The following CDH12 variants were observed in gnomAD, a reference collection of about 807,000 sequenced individuals.
CDH12 encodes cadherin 12.
A neutral mutation model predicts 74.1 loss-of-function variants in CDH12; 41 were observed. The ratio of observed to expected loss-of-function variants is 0.55; its 90% CI spans 0.43 to 0.72. The LOEUF (loss-of-function observed/expected upper bound fraction) is 0.72, where lower values mean the gene tolerates loss of function less well. Ranked by LOEUF, CDH12 falls within the 30% of genes least tolerant of loss-of-function variation. The pLI is 0.00. For missense variants in CDH12, 945 were observed against 977.2 expected (o/e 0.97, Z 0.44); for synonymous variants, 399 against 355.0 (o/e 1.12, Z -1.39).
intron 2 of CDH12, among the ~76,000 whole-genome samples, chr5:22,416,652 G>C (rs183042680): frequency 1.6e-3 from 235 of 151,370 alleles, no homozygotes; most frequent in Middle Eastern, 6.9e-3. Context: ...AAAAAGAAAG[G>C]AATACATAAA....
intron 2 of CDH12, among the ~76,000 whole-genome samples, chr5:22,479,367 T>G (rs1746296298): frequency 6.6e-6 from 1 of 152,160 alleles, no homozygotes; most frequent in Admixed American, 6.5e-5. Flanking sequence ...ACTAATTACT[T>G]TGAGCTAACA....
chr5:22,077,621 T>C (rs1185040127), intron 5 of CDH12, among the ~76,000 whole-genome samples: 1 of 152,142 alleles, frequency 6.6e-6, no homozygotes, highest in Admixed American at 6.6e-5. Flanking sequence ...AAATAAAATA[T>C]AATACTTATT....
intron 6 of CDH12, among the ~76,000 whole-genome samples, chr5:21,932,786 C>T (rs770404233): frequency 1.3e-5 from 2 of 150,882 alleles, no homozygotes; most frequent in Non-Finnish European, 2.9e-5. Flanking sequence ...GTAGTCCCAT[C>T]CTGGTGACAG....
rs960740440 is a variant in CDH12, at chr5:22,742,723, T to C, written c.-523+110335A>G. On this transcript the variant is annotated intron_variant, in intron 1 of 14. Transcript: ENST00000382254. ...TGAACAAGTACATTTATATATTATA[T>C]ATATTATATTATTTTACTATGTTAT... Among the ~76,000 whole-genome samples the C allele has an allele frequency of 2.0e-5, 3 of 149,282 alleles. No individual in the cohort carries two copies. The Admixed American group carries it at 2.0e-4, about 10-fold the overall frequency.
intron 2 of CDH12, among the ~76,000 whole-genome samples, chr5:22,414,703 T>A (rs1743307218): frequency 6.6e-6 from 1 of 151,870 alleles, no homozygotes; most frequent in African/African-American, 2.4e-5. Context: ...AAAAGCACAT[T>A]GCATATTATT....
chr5:22,649,523 T>C (rs373683347), intron 1 of CDH12, among the ~76,000 whole-genome samples: 1 of 152,022 alleles, frequency 6.6e-6, no homozygotes, highest in East Asian at 1.9e-4. Flanking sequence ...TTGAGTTTTA[T>C]TTAAGTGACT....
At chr5:22,831,818 A>G (rs928965182) in intron 1 of CDH12, among the ~76,000 whole-genome samples, 9 of 152,198 alleles carry the variant, frequency 5.9e-5, no homozygotes, top group African/African-American at 2.2e-4. Flanking sequence ...AATTGCTTGA[A>G]GCTGGGAGGT....
intron 4 of CDH12, among the ~76,000 whole-genome samples, chr5:22,209,074 G>C (rs1751389235): frequency 6.6e-6 from 1 of 151,982 alleles, no homozygotes; most frequent in African/African-American, 2.4e-5. Context: ...TCCAGATTTG[G>C]GAACATGTTG....
At chr5:22,416,489 G>A (rs574906028) in intron 2 of CDH12, among the ~76,000 whole-genome samples, 2 of 152,100 alleles carry the variant, frequency 1.3e-5, no homozygotes, top group Non-Finnish European at 2.9e-5. Flanking sequence ...GCGTGCATTG[G>A]AAATTTAAAC....
chr5:22,793,955 G>A (rs1748054930), intron 1 of CDH12, among the ~76,000 whole-genome samples: 1 of 152,086 alleles, frequency 6.6e-6, no homozygotes, highest in African/African-American at 2.4e-5. Context: ...ATCATCACAA[G>A]TTTTCTAGCT....
chr5:22,058,010 T>TATC (rs1471837508), intron 5 of CDH12, among the ~76,000 whole-genome samples: 3 of 143,836 alleles, frequency 2.1e-5, no homozygotes, highest in East Asian at 1.9e-4. Context: ...TCTATCTATC[T>TATC]ATCTATCTAT....
At chr5:22,540,272 T>C (rs2126717990) in intron 1 of CDH12, among the ~76,000 whole-genome samples, 1 of 152,172 alleles carries the variant, frequency 6.6e-6, no homozygotes, top group South Asian at 2.1e-4. Context: ...GTTGATTCTA[T>C]ATCATTTCAT....
chr5:22,008,325 G>T (rs1737085544), intron 5 of CDH12, among the ~76,000 whole-genome samples: 2 of 152,090 alleles, frequency 1.3e-5, no homozygotes, highest in South Asian at 4.2e-4. Flanking sequence ...CACCTCCTGG[G>T]TTCAAGCAAA....
chr5:22,727,827 T>G (rs1215879650), intron 1 of CDH12, among the ~76,000 whole-genome samples: 1 of 151,720 alleles, frequency 6.6e-6, no homozygotes, highest in African/African-American at 2.4e-5. Flanking sequence ...GTTGTTCCCT[T>G]GAGTGTAGTG....
At chr5:22,599,201 TC>T (rs1367533146) in intron 1 of CDH12, among the ~76,000 whole-genome samples, 3 of 152,122 alleles carry the variant, frequency 2.0e-5, no homozygotes, top group Non-Finnish European at 2.9e-5. Flanking sequence ...TTCAATCCTG[TC>T]CCCTGATACA....
In CDH12 at chr5:21,751,616, G is replaced by T. The variant is rs1460003671; in HGVS notation, c.*121C>A. 2.9e-6 allele frequency: 2 copies of T among 690,918 alleles called. No individual in the cohort carries two copies. Among genetic ancestry groups the T allele is most frequent in the South Asian group, 3.8e-5 (2 of 52,422 alleles). The allele number at this position is 690,918 out of a possible 1,614,324, so 42.8% of individuals were successfully genotyped here. A position where few individuals can be genotyped will look rare whatever the true frequency, so the allele number is the denominator to read the frequency against. On this transcript the variant is annotated 3_prime_UTR_variant, in exon 15 of 15. Transcript: ENST00000382254. Reference sequence around the variant, plus strand: ...AAAGGAATCTTGTCCCAGAGTGTGTGTGTGTGTGTGTGTGTTTGTGTGTGT... The same window carrying T: ...AAAGGAATCTTGTCCCAGAGTGTGTTTGTGTGTGTGTGTGTTTGTGTGTGT...
At chr5:22,694,787 A>T (rs1249018003) in intron 1 of CDH12, among the ~76,000 whole-genome samples, 1 of 151,852 alleles carries the variant, frequency 6.6e-6, no homozygotes. Flanking sequence ...ATATACACAC[A>T]CACATATATG....
chr5:21,752,229 A>G lies in CDH12; in HGVS notation c.1893T>C (p.Val631=). Residue 631 remains valine (V), a synonymous_variant, in exon 15 of 15, where the codon GTT becomes GTC. Coordinates refer to ENST00000382254, the MANE Select transcript of CDH12 (RefSeq NM_004061.5). ...LLCIVILLAI[V]VLYVALRRQK... is the part of the protein sequence containing the mutation. ...GCCTTCGCAGTGCTACATACAGTAC[A>G]ACTATGGCTGGAACAAGACAAAAAT... 1 of 1,589,036 alleles carries G rather than the reference A, an allele frequency of 6.3e-7. No individual in the cohort carries two copies. The highest frequency in any genetic ancestry group is 8.6e-7 in the Non-Finnish European group (1 of 1,167,694).
intron 3 of CDH12, among the ~76,000 whole-genome samples, chr5:22,401,888 G>A (rs1183322683): frequency 2.0e-5 from 3 of 152,130 alleles, no homozygotes; most frequent in African/African-American, 7.2e-5. Flanking sequence ...TTGGAGTTAT[G>A]TTTCTAACAA....
Sources: allele counts gnomAD v4.1 joint callset (sites outside exome capture counted in the v4.1 genomes callset), GRCh38; gene constraint gnomAD v4.1.1; transcripts MANE v1.5; gene names NCBI Gene and HGNC (gene_info 2026-07-23, HGNC 2026-07-21).